The following PTPRK variants were observed in gnomAD, a reference collection of about 807,000 sequenced individuals.
PTPRK encodes protein tyrosine phosphatase receptor type K.
Under a neutral mutation model 178.0 loss-of-function variants are expected in PTPRK, and 75 were observed. The observed-to-expected ratio is 0.42, with a 90% CI of 0.35 to 0.51. The LOEUF is 0.51. PTPRK is among the 20% of genes least tolerant of loss of function. PTPRK has a pLI of 0.02. For synonymous variants in PTPRK, 637 were observed against 620.6 expected (o/e 1.03, Z -0.39); for missense variants, 1,441 against 1,797.8 (o/e 0.80, Z 3.59).
At chr6:128,304,943 G>A (rs752136241) in intron 3 of PTPRK, among the ~76,000 whole-genome samples, 11 of 152,160 alleles carry the variant, frequency 7.2e-5, no homozygotes, top group Admixed American at 1.3e-4. Flanking sequence ...CCACCGTGCT[G>A]CTCAAAAAGC....
chr6:128,080,528 A>AATT (rs540042308), intron 10 of PTPRK, among the ~76,000 whole-genome samples: 38 of 152,130 alleles, frequency 2.5e-4, no homozygotes, highest in African/African-American at 8.2e-4. Context: ...TTAGAAGATT[A>AATT]ATTATTATCT....
At chr6:127,973,275 CTTAATT>C in intron 28 of PTPRK, 118 bp from the exon 29 acceptor site, 1 of 1,495,360 alleles carries the variant, frequency 6.7e-7, no homozygotes, top group Admixed American at 2.0e-5. Flanking sequence ...CCATTTGTGT[CTTAATT>C]TTGCTTTATA....
intron 6 of PTPRK, among the ~76,000 whole-genome samples, chr6:128,187,763 T>C (rs1158329789): frequency 1.3e-5 from 2 of 152,150 alleles, no homozygotes; most frequent in African/African-American, 4.8e-5. Context: ...TTTGGAAATG[T>C]GGCAATGTTA....
At chr6:128,320,418 AAC>A (rs1180088441) in intron 3 of PTPRK, among the ~76,000 whole-genome samples, 2 of 152,190 alleles carry the variant, frequency 1.3e-5, no homozygotes, top group Admixed American at 6.6e-5. Context: ...TGGATTTATC[AAC>A]AGTTACTTCT....
intron 3 of PTPRK, among the ~76,000 whole-genome samples, chr6:128,270,191 T>A (rs1819586820): frequency 6.6e-6 from 1 of 152,094 alleles, no homozygotes; most frequent in African/African-American, 2.4e-5. Context: ...TACAACAATA[T>A]CAACCATGTG....
At chr6:128,516,450 C>T (rs1166187476) in intron 1 of PTPRK, among the ~76,000 whole-genome samples, 3 of 152,124 alleles carry the variant, frequency 2.0e-5, no homozygotes, top group Non-Finnish European at 2.9e-5. Flanking sequence ...GTGATTAGAA[C>T]GTGGAGTTTT....
intron 5 of PTPRK, among the ~76,000 whole-genome samples, chr6:128,229,897 G>A (rs1214897872): frequency 6.6e-6 from 1 of 152,134 alleles, no homozygotes; most frequent in Non-Finnish European, 1.5e-5. Flanking sequence ...AATGAATTGT[G>A]TTATTGGGTA....
intron 6 of PTPRK, among the ~76,000 whole-genome samples, chr6:128,209,902 G>C (rs1287539472): frequency 6.6e-6 from 1 of 152,110 alleles, no homozygotes; most frequent in Non-Finnish European, 1.5e-5. Context: ...CCAGCTAAAA[G>C]CCTAGGAGCA....
intron 25 of PTPRK, among the ~76,000 whole-genome samples, chr6:127,979,785 C>T (rs569859553): frequency 6.6e-6 from 1 of 152,298 alleles, no homozygotes; most frequent in South Asian, 2.1e-4. Flanking sequence ...TCTAATTTCT[C>T]CTTGATATGG....
At chr6:128,292,023 A>T (rs990834756) in intron 3 of PTPRK, among the ~76,000 whole-genome samples, 2 of 152,160 alleles carry the variant, frequency 1.3e-5, no homozygotes, top group Non-Finnish European at 2.9e-5. Context: ...CCACTGTTAG[A>T]AATGAAAAGA....
At chr6:128,371,460 A>T (rs527503125) in intron 2 of PTPRK, among the ~76,000 whole-genome samples, 1 of 152,202 alleles carries the variant, frequency 6.6e-6, no homozygotes. Context: ...ACAGATTTGA[A>T]CTATAGTTCT....
chr6:128,506,364 G>A (rs765437698), intron 1 of PTPRK, among the ~76,000 whole-genome samples: 5 of 151,920 alleles, frequency 3.3e-5, no homozygotes, highest in Non-Finnish European at 5.9e-5. Flanking sequence ...AGATTAAATC[G>A]TTCTAGAAGG....
At chr6:128,252,888 T>C (rs541540954) in intron 3 of PTPRK, among the ~76,000 whole-genome samples, 1 of 152,202 alleles carries the variant, frequency 6.6e-6, no homozygotes, top group South Asian at 2.1e-4. Flanking sequence ...AGCTCTTCTG[T>C]GCTACAAAAA....
At chr6:128,157,557 T>G (rs1276163770) in intron 7 of PTPRK, among the ~76,000 whole-genome samples, 2 of 152,000 alleles carry the variant, frequency 1.3e-5, no homozygotes, top group Non-Finnish European at 2.9e-5. Flanking sequence ...TTTCTAAGTT[T>G]ATTTCTTTTC....
At chr6:128,283,673 C>T (rs1487439771) in intron 3 of PTPRK, among the ~76,000 whole-genome samples, 1 of 151,968 alleles carries the variant, frequency 6.6e-6, no homozygotes, top group African/African-American at 2.4e-5. Context: ...CATATTCATA[C>T]TAAAATTAAA....
At chr6:128,465,823 C>T (rs945146379) in intron 1 of PTPRK, among the ~76,000 whole-genome samples, 3 of 152,044 alleles carry the variant, frequency 2.0e-5, no homozygotes, top group African/African-American at 7.2e-5. Flanking sequence ...TCAACCATAC[C>T]CACACCTGTG....
intron 8 of PTPRK, among the ~76,000 whole-genome samples, chr6:128,088,450 G>C (rs1438263684): frequency 1.3e-5 from 2 of 152,070 alleles, no homozygotes; most frequent in Middle Eastern, 6.8e-3. Context: ...TTAGAAGGGG[G>C]TGGAACCTCA....
At chr6:128,272,742 T>C (rs1033323065) in intron 3 of PTPRK, among the ~76,000 whole-genome samples, 2 of 152,118 alleles carry the variant, frequency 1.3e-5, no homozygotes, top group Admixed American at 6.5e-5. Flanking sequence ...GAAATAGGAA[T>C]GCTTTTACAC....
At chr6:128,448,782 C>T (rs1847362177) in intron 1 of PTPRK, among the ~76,000 whole-genome samples, 2 of 152,172 alleles carry the variant, frequency 1.3e-5, no homozygotes, top group African/African-American at 2.4e-5. Flanking sequence ...TTTGCCTTCT[C>T]TAAGTGGCAA....
Sources: gnomAD v4.1 joint callset for allele counts (sites outside exome capture counted in the v4.1 genomes callset) on GRCh38, gnomAD v4.1.1 for gene constraint, MANE v1.5 for transcripts, NCBI Gene and HGNC (gene_info 2026-07-23, HGNC 2026-07-21) for gene names.